The following COL25A1 variants were observed in gnomAD, a reference collection of about 807,000 sequenced individuals.
The protein encoded by COL25A1 is collagen alpha-1(XXV) chain.
In COL25A1, 103 loss-of-function variants were observed where a neutral mutation model predicts 128.4. The ratio of observed to expected loss-of-function variants is 0.80; its 90% confidence interval spans 0.68 to 0.94. COL25A1 has a LOEUF of 0.94. COL25A1 is among the 40% of genes least tolerant of loss of function. The pLI is 0.00. For synonymous variants in COL25A1, 279 were observed against 277.2 expected (o/e 1.01, Z -0.06); for missense variants, 745 against 840.0 (o/e 0.89, Z 1.40).
At chr4:109,139,917 T>C (rs1340801930) in intron 3 of COL25A1, among the ~76,000 whole-genome samples, 1 of 145,828 alleles carries the variant, frequency 6.9e-6, no homozygotes, top group South Asian at 2.3e-4. Flanking sequence ...AGTGAGAACA[T>C]ATGGTGTTTG....
intron 5 of COL25A1, among the ~76,000 whole-genome samples, chr4:109,025,073 G>A (rs1758128160): frequency 1.3e-5 from 2 of 152,140 alleles, no homozygotes; most frequent in South Asian, 2.1e-4. Flanking sequence ...ATTATTTTAT[G>A]GAGTTGTATA....
intron 6 of COL25A1, among the ~76,000 whole-genome samples, chr4:108,975,717 T>C (rs1752367300): frequency 6.6e-6 from 1 of 152,208 alleles, no homozygotes; most frequent in South Asian, 2.1e-4. Context: ...GGTGATGTAG[T>C]AATTTCACAT....
intron 3 of COL25A1, among the ~76,000 whole-genome samples, chr4:109,174,921 T>C (rs1024002936): frequency 6.6e-6 from 1 of 152,222 alleles, no homozygotes; most frequent in Non-Finnish European, 1.5e-5. Context: ...CTCTGCCTTC[T>C]GTCAGATCAG....
chr4:109,239,782 T>A (rs965385523), intron 3 of COL25A1, among the ~76,000 whole-genome samples: 3 of 152,060 alleles, frequency 2.0e-5, no homozygotes, highest in Non-Finnish European at 4.4e-5. Context: ...CTTTACAAAC[T>A]TCATCATGTT....
At chr4:108,966,231 G>T (rs1381034945) in intron 8 of COL25A1, among the ~76,000 whole-genome samples, 2 of 148,988 alleles carry the variant, frequency 1.3e-5, no homozygotes, top group Non-Finnish European at 3.0e-5. Flanking sequence ...GTTTTGGGGG[G>T]TATTACTATA....
chr4:109,253,500 C>T (rs1017155425), intron 3 of COL25A1, among the ~76,000 whole-genome samples: 6 of 152,138 alleles, frequency 3.9e-5, no homozygotes, highest in African/African-American at 1.4e-4. Context: ...GGGAAGGCCA[C>T]CTGCTTTACT....
chr4:109,087,443 T>C (rs966979783), intron 3 of COL25A1, among the ~76,000 whole-genome samples: 2 of 152,110 alleles, frequency 1.3e-5, no homozygotes, highest in Admixed American at 6.5e-5. Context: ...GCCTAACTCA[T>C]GCCTTGAAAT....
chr4:108,947,173 G>A lies in COL25A1; in HGVS notation c.493-5736C>T, dbSNP rs140376785. On this transcript the variant is annotated intron_variant, in intron 8 of 37. Coordinates refer to ENST00000399132, the MANE Select transcript of COL25A1 (RefSeq NM_198721.4). The stretch of plus-strand genomic sequence containing the variant: ...AGAAGGTGAGAAATGGCTGGGCGCG[G>A]TGGCTCATGCCTATAATCCCAGCAC... Among the ~76,000 whole-genome samples, 326 of 152,288 alleles carry A rather than the reference G, an allele frequency of 2.1e-3. 1 individual carries two copies. Among genetic ancestry groups the A allele is most frequent in the African/African-American group, 7.2e-3 (298 of 41,568 alleles).
At chr4:109,295,759 G>A (rs1180299660) in intron 3 of COL25A1, among the ~76,000 whole-genome samples, 1 of 152,048 alleles carries the variant, frequency 6.6e-6, no homozygotes, top group African/African-American at 2.4e-5. Context: ...CATAGGCAAC[G>A]AGGTCAGTCA....
intron 3 of COL25A1, among the ~76,000 whole-genome samples, chr4:109,154,708 T>A (rs895053377): frequency 6.6e-6 from 1 of 152,166 alleles, no homozygotes; most frequent in Non-Finnish European, 1.5e-5. Flanking sequence ...AATAAGAAAT[T>A]GAAATCCTTG....
At chr4:108,822,613 T>C (rs1297182147) in intron 35 of COL25A1, among the ~76,000 whole-genome samples, 1 of 151,618 alleles carries the variant, frequency 6.6e-6, no homozygotes, top group Non-Finnish European at 1.5e-5. Context: ...GAGATGGGGG[T>C]CTCACTAGAG....
chr4:108,834,511 G>T, intron 31 of COL25A1: 3 of 806,380 alleles, frequency 3.7e-6, no homozygotes, highest in Non-Finnish European at 6.1e-6. Flanking sequence ...CAGTTACAGG[G>T]TTCTGGGATG....
intron 9 of COL25A1, among the ~76,000 whole-genome samples, chr4:108,940,947 A>T (rs1455311579): frequency 6.6e-6 from 1 of 152,194 alleles, no homozygotes; most frequent in East Asian, 1.9e-4. Flanking sequence ...CGTGTGCATT[A>T]CTTTATCCAT....
chr4:108,836,969 C>T (rs1020474834), intron 31 of COL25A1, among the ~76,000 whole-genome samples: 4 of 152,094 alleles, frequency 2.6e-5, no homozygotes, highest in African/African-American at 9.7e-5. Flanking sequence ...GTCCCAGCTA[C>T]TCAGGAGGCT....
chr4:109,204,346 GATA>G (rs1776817717), intron 3 of COL25A1, among the ~76,000 whole-genome samples: 1 of 152,064 alleles, frequency 6.6e-6, no homozygotes, highest in Non-Finnish European at 1.5e-5. Flanking sequence ...TATAATTTGA[GATA>G]ATAATTCTGA....
At position 109,005,889 on chromosome 4, in the gene COL25A1, C is replaced by T. The variant is rs115955442; in HGVS notation, c.438+4469G>A. On this transcript the variant is annotated intron_variant, in intron 6 of 37. Transcript: ENST00000399132. Reference sequence around the variant, plus strand: ...AGGGAGACCCAGAGCTGGAGAGGAACAGAATTATCAGGCCAGTTATGTTGA... The same window carrying T: ...AGGGAGACCCAGAGCTGGAGAGGAATAGAATTATCAGGCCAGTTATGTTGA... Among the ~76,000 whole-genome samples the T allele has an allele frequency of 3.9e-3, 599 of 152,196 alleles. 2 individuals carry two copies. Among genetic ancestry groups the T allele is most frequent in the African/African-American group, 0.014 (570 of 41,520 alleles).
intron 19 of COL25A1, among the ~76,000 whole-genome samples, chr4:108,870,912 AT>A (rs1392804394): frequency 6.6e-6 from 1 of 152,228 alleles, no homozygotes; most frequent in Non-Finnish European, 1.5e-5. Flanking sequence ...AAATGATTTC[AT>A]TCTTTAGAAA....
chr4:109,030,942 T>C (rs1050952580), intron 5 of COL25A1, among the ~76,000 whole-genome samples: 35 of 152,062 alleles, frequency 2.3e-4, no homozygotes, highest in African/African-American at 7.3e-4. Context: ...AGTTTCGCCA[T>C]ATTGCCCAGG....
Position 108,811,839 on chromosome 4 carries a change from A to T in COL25A1, c.*2088T>A, listed in dbSNP as rs985026422. 6.6e-6 allele frequency: 1 copy of T among 152,202 alleles called. No individual in the cohort carries two copies. The highest frequency in any genetic ancestry group is 1.5e-5 in the Non-Finnish European group (1 of 68,014). The allele number at this position is 152,202 out of a possible 1,614,324, so 9.4% of individuals were successfully genotyped here. On this transcript the variant is annotated 3_prime_UTR_variant, in exon 38 of 38. Transcript: ENST00000399132. ...TCAACCTTAAAAATTTAATAGAAAA[A>T]AAAGAAGATGCCATTTTGTATGACT...
Sources: gnomAD v4.1 joint callset for allele counts (sites outside exome capture counted in the v4.1 genomes callset) on GRCh38, gnomAD v4.1.1 for gene constraint, MANE v1.5 for transcripts, NCBI Gene and HGNC (gene_info 2026-07-23, HGNC 2026-07-21) for gene names.